Variants in TMEM200A observed in about 807,000 individuals in gnomAD.
TMEM200A encodes two transmembrane C.
TMEM200A carries 12 observed loss-of-function variants against 24.3 expected under a neutral mutation model. The observed-to-expected ratio is 0.49, with a 90% CI of 0.32 to 0.80. TMEM200A has a LOEUF of 0.80. Ranked by LOEUF, TMEM200A falls within the 30% of genes least tolerant of loss-of-function variation. The probability of loss-of-function intolerance (pLI) is 0.04; values close to 1 mark genes in which losing one functional copy is unlikely to be tolerated. For synonymous variants in TMEM200A, 224 were observed against 224.4 expected (o/e 1.00, Z 0.02); for missense variants, 545 against 614.4 (o/e 0.89, Z 1.19).
chr6:130,439,525 A>G (rs1391782824), intron 2 of TMEM200A: 1 of 152,222 alleles, frequency 6.6e-6, no homozygotes, highest in Non-Finnish European at 1.5e-5. Flanking sequence ...TATGTTCCCT[A>G]ATGGGCAGTG....
intron 2 of TMEM200A, among the ~76,000 whole-genome samples, chr6:130,426,642 G>A (rs946714374): frequency 6.6e-5 from 10 of 152,154 alleles, no homozygotes; most frequent in Admixed American, 4.6e-4. Flanking sequence ...GAGTTGGCAT[G>A]AAGGTAGGTA....
At chr6:130,386,207 G>A (rs1425586582) in intron 2 of TMEM200A, among the ~76,000 whole-genome samples, 1 of 152,186 alleles carries the variant, frequency 6.6e-6, no homozygotes, top group Non-Finnish European at 1.5e-5. Context: ...AAATCCAGGA[G>A]CTTGAACAGG....
chr6:130,430,842 A>AT (rs1351424614), intron 2 of TMEM200A, among the ~76,000 whole-genome samples: 1 of 152,122 alleles, frequency 6.6e-6, no homozygotes, highest in Non-Finnish European at 1.5e-5. Context: ...AATTTGAACA[A>AT]TTTTCTAATG....
intron 2 of TMEM200A, among the ~76,000 whole-genome samples, chr6:130,401,723 C>G (rs1779092054): frequency 6.6e-6 from 1 of 151,976 alleles, no homozygotes; most frequent in African/African-American, 2.4e-5. Flanking sequence ...CCACTTCACA[C>G]TTTTTCCATA....
intron 1 of TMEM200A, among the ~76,000 whole-genome samples, chr6:130,378,032 G>C (rs9492562): frequency 6.6e-6 from 1 of 152,124 alleles, no homozygotes; most frequent in Non-Finnish European, 1.5e-5. Context: ...AGGCCATAAG[G>C]AGTCAGTGTG....
intron 2 of TMEM200A, among the ~76,000 whole-genome samples, chr6:130,398,960 T>G (rs902120327): frequency 1.3e-5 from 2 of 152,070 alleles, no homozygotes; most frequent in Admixed American, 6.6e-5. Context: ...TATTTCATAG[T>G]AGTTATTTCA....
At chr6:130,421,024 T>A (rs1317700636) in intron 2 of TMEM200A, 2 of 152,166 alleles carry the variant, frequency 1.3e-5, no homozygotes, top group African/African-American at 4.8e-5. Context: ...AAAAGAATCT[T>A]TCTTGTTTTA....
At chr6:130,440,078 T>A (rs1207376491) in intron 2 of TMEM200A, among the ~76,000 whole-genome samples, 2 of 151,990 alleles carry the variant, frequency 1.3e-5, no homozygotes, top group East Asian at 3.9e-4. Flanking sequence ...TGAGCATCAG[T>A]CTTGTGGCCA....
chr6:130,406,073 T>C (rs1269737986), intron 2 of TMEM200A, among the ~76,000 whole-genome samples: 4 of 152,202 alleles, frequency 2.6e-5, no homozygotes, highest in Non-Finnish European at 4.4e-5. Flanking sequence ...TCATACATCA[T>C]TTCTCCTCCA....
Position 130,440,812 on chromosome 6 carries a change from A to G in TMEM200A, c.390A>G (p.Pro130=), listed in dbSNP as rs3813359. The stretch of plus-strand genomic sequence containing the variant: ...CTGATAAGATGAAAATGCTTGGCCC[A>G]TTCACCATGGGGATTGGCATTTTCA... ...LHSDKMKMLG[P]FTMGIGIFIF... is the part of the protein sequence containing the mutation. Residue 130 remains proline (P), a synonymous_variant, in exon 3 of 3, where the codon CCA becomes CCG. Transcript: ENST00000296978. 266,162 of 1,613,582 alleles carry G rather than the reference A, an allele frequency of 0.16. 26,428 individuals are homozygous for G. Among genetic ancestry groups the G allele is most frequent in the East Asian group, 0.39 (17,390 of 44,796 alleles).
chr6:130,366,742 G>A lies in TMEM200A; in HGVS notation c.-81+218G>A, dbSNP rs142813067. Among the ~76,000 whole-genome samples the A allele has an allele frequency of 3.3e-5, 5 of 152,272 alleles. No homozygotes were observed. In the East Asian group the frequency reaches 7.7e-4, roughly 23 times the overall value. On this transcript the variant is annotated intron_variant, in intron 1 of 2. Transcript: ENST00000296978. The surrounding 1 kb of genome is among the most constrained non-coding windows in gnomAD (Gnocchi z 4.4). ...CGGGAGCGCGAGAGAAGCCGTGCGGGGCAGCCTCCAAGAACCCGGAGTACT... is the reference window on the plus strand; with the variant it reads ...CGGGAGCGCGAGAGAAGCCGTGCGGAGCAGCCTCCAAGAACCCGGAGTACT...
intron 2 of TMEM200A, among the ~76,000 whole-genome samples, chr6:130,418,660 A>G (rs569704958): frequency 6.6e-6 from 1 of 152,298 alleles, no homozygotes; most frequent in East Asian, 1.9e-4. Context: ...ACAGCAATGT[A>G]GCATTGTGAT....
chr6:130,384,668 A>G (rs939539225), intron 1 of TMEM200A, among the ~76,000 whole-genome samples: 3 of 152,230 alleles, frequency 2.0e-5, no homozygotes, highest in Non-Finnish European at 2.9e-5. Context: ...TGACACTTCA[A>G]ACTTTCCTTT....
chr6:130,441,367 C>G lies in TMEM200A; in HGVS notation c.945C>G (p.Leu315=). ...ACATCACTGAAGATGCTGACAACCT[C>G]AAAAGTAGGTCAAGGAATTTGTCAA... ...IDNITEDADN[L]KSRSRNLSMD... The change falls in exon 3 of 3, where the codon CTC becomes CTG. Residue 315 remains leucine (L), a synonymous_variant. Transcript: ENST00000296978. 6.2e-7 allele frequency: 1 copy of G among 1,614,110 alleles called. No homozygotes were observed. Among genetic ancestry groups the G allele is most frequent in the Non-Finnish European group, 8.5e-7 (1 of 1,180,002 alleles).
intron 2 of TMEM200A, among the ~76,000 whole-genome samples, chr6:130,407,558 A>T (rs1417684835): frequency 6.6e-6 from 1 of 152,240 alleles, no homozygotes; most frequent in Non-Finnish European, 1.5e-5. Context: ...TCATTTACTC[A>T]TGTACTTTTA....
At chr6:130,440,348 A>G in intron 2 of TMEM200A, 59 bp from the exon 3 acceptor site, 2 of 1,447,978 alleles carry the variant, frequency 1.4e-6, no homozygotes, top group Non-Finnish European at 1.8e-6. Context: ...AATTGAACTG[A>G]TGCTCATACC....
intron 1 of TMEM200A, among the ~76,000 whole-genome samples, chr6:130,380,083 T>A (rs1562550834): frequency 6.6e-6 from 1 of 152,218 alleles, no homozygotes; most frequent in East Asian, 1.9e-4. Context: ...AATCTATAAG[T>A]GCATCTCCAA....
At chr6:130,438,467 T>A (rs1780072446) in intron 2 of TMEM200A, 1 of 152,222 alleles carries the variant, frequency 6.6e-6, no homozygotes, top group Admixed American at 6.5e-5. Flanking sequence ...TAAAATATCT[T>A]CTTGTTTCCT....
chr6:130,374,456 G>A (rs773066111), intron 1 of TMEM200A, among the ~76,000 whole-genome samples: 1 of 151,120 alleles, frequency 6.6e-6, no homozygotes, highest in South Asian at 2.1e-4. Context: ...TCTGTCACCA[G>A]TCAGGCTGGA....
Sources: allele counts gnomAD v4.1 joint callset (sites outside exome capture counted in the v4.1 genomes callset), GRCh38; gene constraint gnomAD v4.1.1; non-coding constraint Gnocchi (gnomAD v3.1); transcripts MANE v1.5; gene names NCBI Gene and HGNC (gene_info 2026-07-23, HGNC 2026-07-21).